SPIDR: variants seen among roughly 807,000 people sequenced by gnomAD.
SPIDR encodes the protein DNA repair-scaffolding protein.
A neutral mutation model predicts 104.6 loss-of-function variants in SPIDR; 93 were observed. The ratio of observed to expected loss-of-function variants is 0.89; its 90% confidence interval spans 0.75 to 1.06. SPIDR has a LOEUF of 1.06. Ranked by LOEUF, SPIDR falls within the 50% of genes least tolerant of loss-of-function variation. The probability of loss-of-function intolerance (pLI) is 0.00; values close to 1 mark genes in which losing one functional copy is unlikely to be tolerated. For synonymous variants in SPIDR, 431 were observed against 416.9 expected, an observed-to-expected ratio of 1.03 and a Z score of -0.41; for missense variants, 1,154 against 1,111.2, an observed-to-expected ratio of 1.04 and a Z score of -0.55.
At chr8:47,516,880 T>C (rs1455571520) in intron 8 of SPIDR, among the ~76,000 whole-genome samples, 2 of 152,212 alleles carry the variant, frequency 1.3e-5, no homozygotes, top group African/African-American at 2.4e-5. Context: ...TCATTTTATA[T>C]TCCTACCAGC....
chr8:47,284,169 G>A lies in SPIDR; in HGVS notation c.256+75G>A, dbSNP rs1444408814. On this transcript the variant is annotated intron_variant, in intron 3 of 19. Transcript: ENST00000297423. Reference sequence around the variant, plus strand: ...CCTTCTGTGATTATTTTAAAAATTTGCTGTTTTAAAAAAGTGACATGGTTT... The same window carrying A: ...CCTTCTGTGATTATTTTAAAAATTTACTGTTTTAAAAAAGTGACATGGTTT... 2.3e-6 allele frequency: 3 copies of A among 1,313,442 alleles called. No homozygotes were observed. In the African/African-American group the frequency reaches 4.4e-5, roughly 19 times the overall value. The allele number at this position is 1,313,442 out of a possible 1,614,324, so 81.4% of individuals were successfully genotyped here.
At chr8:47,333,304 A>G (rs1197982027) in intron 5 of SPIDR, among the ~76,000 whole-genome samples, 1 of 151,942 alleles carries the variant, frequency 6.6e-6, no homozygotes, top group Admixed American at 6.6e-5. Flanking sequence ...CTTTATTATT[A>G]TTGTTATTAT....
intron 10 of SPIDR, chr8:47,654,202 C>A: frequency 7.8e-7 from 1 of 1,279,886 alleles, no homozygotes; most frequent in Non-Finnish European, 1.0e-6. Flanking sequence ...TAGCAGCAAC[C>A]TGCAGGAGGG....
At chr8:47,549,982 A>T (rs1042829772) in intron 8 of SPIDR, among the ~76,000 whole-genome samples, 15 of 152,188 alleles carry the variant, frequency 9.9e-5, no homozygotes, top group Non-Finnish European at 1.9e-4. Flanking sequence ...CTTTCTACAT[A>T]TGGCTAGCCA....
At chr8:47,627,771 C>G (rs1486793153) in intron 10 of SPIDR, among the ~76,000 whole-genome samples, 2 of 152,156 alleles carry the variant, frequency 1.3e-5, no homozygotes, top group Admixed American at 6.5e-5. Flanking sequence ...GAACCAGACC[C>G]GCCGGTTCAT....
At chr8:47,280,735 G>A (rs1191257315) in intron 2 of SPIDR, among the ~76,000 whole-genome samples, 1 of 152,040 alleles carries the variant, frequency 6.6e-6, no homozygotes, top group Non-Finnish European at 1.5e-5. Flanking sequence ...ACAGGGTCTT[G>A]CTGTGTTGCC....
At chr8:47,589,293 G>A (rs1045649265) in intron 8 of SPIDR, among the ~76,000 whole-genome samples, 3 of 151,952 alleles carry the variant, frequency 2.0e-5, no homozygotes, top group Non-Finnish European at 2.9e-5. Context: ...GGCCGAGGGC[G>A]GCGGATCACT....
intron 10 of SPIDR, among the ~76,000 whole-genome samples, chr8:47,666,589 A>G (rs559480361): frequency 2.0e-5 from 3 of 152,320 alleles, no homozygotes; most frequent in African/African-American, 2.4e-5. Context: ...ACAGTCTTCT[A>G]TGTGCTAAAT....
chr8:47,548,055 T>A (rs2089756549), intron 8 of SPIDR: 1 of 152,288 alleles, frequency 6.6e-6, no homozygotes, highest in South Asian at 2.1e-4. Context: ...TTAATGTATT[T>A]TTTTTTAATT....
In SPIDR at chr8:47,382,593, A is replaced by G. The variant is rs555241251; in HGVS notation, c.526-13783A>G. On this transcript the variant is annotated intron_variant, in intron 5 of 19. Coordinates refer to ENST00000297423, the MANE Select transcript of SPIDR (RefSeq NM_001080394.4). ...ACACCCAGCCAATTTTTGTATTTTTAGTAGAGACGTGGTTTCACCATGTCG... is the reference window on the plus strand; with the variant it reads ...ACACCCAGCCAATTTTTGTATTTTTGGTAGAGACGTGGTTTCACCATGTCG... Among the ~76,000 whole-genome samples the G allele has an allele frequency of 3.9e-5, 6 of 152,168 alleles. No individual in the cohort carries two copies. In the South Asian group the frequency reaches 1.0e-3, roughly 26 times the overall value.
At chr8:47,399,714 G>T (rs1019276906) in intron 6 of SPIDR, among the ~76,000 whole-genome samples, 3 of 152,194 alleles carry the variant, frequency 2.0e-5, no homozygotes, top group African/African-American at 7.2e-5. Flanking sequence ...ACTAAAAGGG[G>T]TTGACAGGAG....
rs531667636 is a variant in SPIDR at position 47,610,366 on chromosome 8, G to T, written c.1544+11170G>T. Among the ~76,000 whole-genome samples, 3 of 152,304 alleles carry T rather than the reference G, an allele frequency of 2.0e-5. No homozygotes were observed. In the East Asian group the frequency reaches 5.8e-4, roughly 29 times the overall value. ...CATGGGAGACAGAGCACACAGCCTG[G>T]CAGAGTCTTCAGGGGTGGCCAGATG... On this transcript the variant is annotated intron_variant, in intron 10 of 19. Coordinates refer to ENST00000297423, the MANE Select transcript of SPIDR (RefSeq NM_001080394.4).
intron 8 of SPIDR, among the ~76,000 whole-genome samples, chr8:47,489,231 A>T (rs1741847420): frequency 6.6e-6 from 1 of 152,254 alleles, no homozygotes; most frequent in South Asian, 2.1e-4. Context: ...GAGCCAAATC[A>T]TGAGTGAACT....
intron 10 of SPIDR, among the ~76,000 whole-genome samples, chr8:47,638,622 T>C (rs1420970242): frequency 1.3e-5 from 2 of 152,238 alleles, no homozygotes; most frequent in Non-Finnish European, 2.9e-5. Context: ...ATAGACTTTA[T>C]TTAGTTGTTT....
chr8:47,490,684 A>G (rs1416882501), intron 8 of SPIDR, among the ~76,000 whole-genome samples: 2 of 152,218 alleles, frequency 1.3e-5, no homozygotes, highest in East Asian at 1.9e-4. Context: ...GGATGAGTTC[A>G]TGTCCTTTGT....
intron 5 of SPIDR, among the ~76,000 whole-genome samples, chr8:47,315,321 AC>A (rs1299686397): frequency 6.6e-6 from 1 of 152,166 alleles, no homozygotes; most frequent in Non-Finnish European, 1.5e-5. Flanking sequence ...GGGTCCTAAA[AC>A]ATGTCTCACT....
At chr8:47,607,992 AGTG>A (rs2063166609) in intron 10 of SPIDR, among the ~76,000 whole-genome samples, 1 of 152,146 alleles carries the variant, frequency 6.6e-6, no homozygotes, top group African/African-American at 2.4e-5. Context: ...ATTTATTTAA[AGTG>A]TACAATTCAA....
intron 10 of SPIDR, among the ~76,000 whole-genome samples, chr8:47,644,327 C>G (rs1563406717): frequency 6.6e-6 from 1 of 152,234 alleles, no homozygotes; most frequent in Non-Finnish European, 1.5e-5. Context: ...TGTCAGGTCT[C>G]TCTCCTTCTT....
intron 10 of SPIDR, among the ~76,000 whole-genome samples, chr8:47,647,651 A>AGAGAGAGAGAGAGAGAGG (rs1563416092): frequency 8.2e-6 from 1 of 121,976 alleles, no homozygotes; most frequent in Non-Finnish European, 1.8e-5. Context: ...AGAGAGAGAG[A>AGAGAGAGAGAGAGAGAGG]GAGGGAGAGA....
Sources: gnomAD v4.1 joint callset for allele counts (sites outside exome capture counted in the v4.1 genomes callset) on GRCh38, gnomAD v4.1.1 for gene constraint, MANE v1.5 for transcripts, NCBI Gene and HGNC (gene_info 2026-07-23, HGNC 2026-07-21) for gene names.